KCNN2: variants seen among roughly 807,000 people sequenced by gnomAD.
KCNN2 encodes small conductance calcium-activated potassium channel protein 2.
In KCNN2, 24 loss-of-function variants were observed where a neutral mutation model predicts 55.5. That is an observed-to-expected ratio of 0.43 (90% CI 0.31 to 0.61). KCNN2 has a LOEUF of 0.61. Ranked by LOEUF, KCNN2 falls within the 20% of genes least tolerant of loss-of-function variation. The pLI, the probability that KCNN2 is intolerant of heterozygous loss-of-function variation, is 0.08. For missense variants in KCNN2, 754 were observed against 853.6 expected, an observed-to-expected ratio of 0.88 and a Z score of 1.45; for synonymous variants, 431 against 336.1, an observed-to-expected ratio of 1.28 and a Z score of -3.09.
chr5:114,160,516 AG>A (rs1752748170), intron 1 of KCNN2, among the ~76,000 whole-genome samples: 2 of 152,100 alleles, frequency 1.3e-5, no homozygotes, highest in Admixed American at 6.6e-5. Context: ...GATGTCTATT[AG>A]GTCCACTTGG....
At chr5:114,241,063 A>C (rs1163481631) in intron 2 of KCNN2, among the ~76,000 whole-genome samples, 1 of 152,038 alleles carries the variant, frequency 6.6e-6, no homozygotes, top group South Asian at 2.1e-4. Context: ...ATATGTGTCT[A>C]TATGTATCCT....
At chr5:114,210,261 C>A (rs938702813) in intron 1 of KCNN2, among the ~76,000 whole-genome samples, 2 of 152,074 alleles carry the variant, frequency 1.3e-5, no homozygotes, top group African/African-American at 4.8e-5. Context: ...GTGCTATTTT[C>A]TTGAGTTTAA....
chr5:114,185,113 A>G (rs990277701), intron 1 of KCNN2, among the ~76,000 whole-genome samples: 12 of 152,172 alleles, frequency 7.9e-5, no homozygotes, highest in African/African-American at 2.9e-4. Context: ...GAAAGTTGCA[A>G]TGTCCTCTAG....
chr5:114,438,597 G>GCAACAA (rs552957488), intron 3 of KCNN2, among the ~76,000 whole-genome samples: 1 of 151,992 alleles, frequency 6.6e-6, no homozygotes, highest in Admixed American at 6.6e-5. Flanking sequence ...GCCAACAACA[G>GCAACAA]CAACAACAAC....
At chr5:114,273,893 T>C (rs1755425579) in intron 2 of KCNN2, among the ~76,000 whole-genome samples, 1 of 152,234 alleles carries the variant, frequency 6.6e-6, no homozygotes, top group South Asian at 2.1e-4. Context: ...TTGCCATTGC[T>C]TTTGGTGTTT....
Position 114,244,224 on chromosome 5 carries a change from T to C in KCNN2, c.-185+22659T>C, listed in dbSNP as rs142603962. 8.2e-4 allele frequency among the ~76,000 whole-genome samples: 125 copies of C among 152,232 alleles called. 1 individual carries two copies. The highest frequency in any genetic ancestry group is 2.8e-3 in the African/African-American group (117 of 41,534). On this transcript the variant is annotated intron_variant, in intron 2 of 10. Coordinates refer to the KCNN2 transcript ENST00000512097. ...AGTTAGTGTAAATGTGGCTTTCCTGTTGGAGCACGCAGTAAACAGACTCCT... is the reference window on the plus strand; with the variant it reads ...AGTTAGTGTAAATGTGGCTTTCCTGCTGGAGCACGCAGTAAACAGACTCCT...
intron 1 of KCNN2, among the ~76,000 whole-genome samples, chr5:114,215,569 C>T (rs550652609): frequency 6.6e-6 from 1 of 152,038 alleles, no homozygotes; most frequent in East Asian, 1.9e-4. Flanking sequence ...AGGGTAGAAC[C>T]CAAGACATAA....
intron 1 of KCNN2, among the ~76,000 whole-genome samples, chr5:114,104,046 G>C (rs896894894): frequency 1.3e-5 from 2 of 151,988 alleles, no homozygotes; most frequent in African/African-American, 4.8e-5. Context: ...CTGTGAATCC[G>C]TTTGGTCCTA....
At chr5:114,408,983 C>A (rs1001771500) in intron 3 of KCNN2, among the ~76,000 whole-genome samples, 1 of 152,096 alleles carries the variant, frequency 6.6e-6, no homozygotes, top group African/African-American at 2.4e-5. Flanking sequence ...GAGTGTGTAG[C>A]CAGCAGGTAC....
intron 2 of KCNN2, among the ~76,000 whole-genome samples, chr5:114,294,238 T>G (rs1452487668): frequency 2.0e-5 from 3 of 152,170 alleles, no homozygotes; most frequent in African/African-American, 7.2e-5. Context: ...CTGCTAGTTT[T>G]TGAATGTGTT....
At chr5:114,331,696 T>G (rs1756824289) in intron 2 of KCNN2, among the ~76,000 whole-genome samples, 1 of 152,276 alleles carries the variant, frequency 6.6e-6, no homozygotes, top group Non-Finnish European at 1.5e-5. Context: ...TGACCAAGTA[T>G]GTTCTCTATA....
At chr5:114,168,819 C>T (rs1462771952) in intron 1 of KCNN2, among the ~76,000 whole-genome samples, 1 of 152,074 alleles carries the variant, frequency 6.6e-6, no homozygotes, top group Non-Finnish European at 1.5e-5. Context: ...CCTCCATTAT[C>T]TCTCCTCATT....
intron 2 of KCNN2, among the ~76,000 whole-genome samples, chr5:114,264,229 A>G (rs1218264582): frequency 1.3e-5 from 2 of 152,094 alleles, no homozygotes; most frequent in Non-Finnish European, 2.9e-5. Context: ...TTCTTCATAC[A>G]TGAGATGTGA....
At position 114,310,928 on chromosome 5, in the gene KCNN2, C is replaced by T. The variant is rs368312348; in HGVS notation, c.-184-50017C>T. Among the ~76,000 whole-genome samples the T allele has an allele frequency of 3.0e-4, 45 of 152,210 alleles. No individual in the cohort carries two copies. The South Asian group carries it at 4.4e-3, about 15-fold the overall frequency. ...ATGAGGTACAGCACTATCTAAGGTA[C>T]AATATATCATGATGATTTGAGTTTA... On this transcript the variant is annotated intron_variant, in intron 2 of 10. Coordinates refer to the KCNN2 transcript ENST00000512097.
At position 114,493,421 on chromosome 5, in the gene KCNN2, G is replaced by A; in HGVS notation, c.2037G>A (p.Met679Ile). The A allele has an allele frequency of 6.2e-7, 1 of 1,604,684 alleles. No homozygotes were observed. Reference sequence around the variant, plus strand: ...CTTTTAGATTAAGAAGTGTAAAAATGGAGCAGAGGAAACTGAATGACCAAG... The same window carrying A: ...CTTTTAGATTAAGAAGTGTAAAAATAGAGCAGAGGAAACTGAATGACCAAG... Reference protein sequence around the residue: ...QAIHQLRSVKMEQRKLNDQAN... With the variant: ...QAIHQLRSVKIEQRKLNDQAN... The change falls in exon 7 of 8, where the codon ATG becomes ATA. Residue 679 changes from methionine (M) to isoleucine (I), a missense_variant. By Grantham distance (10) the Met-to-Ile change is conservative. Transcript: ENST00000673685.
intron 2 of KCNN2, among the ~76,000 whole-genome samples, chr5:114,385,519 G>GCGCGCACACACA (rs1458678711): frequency 4.6e-4 from 66 of 143,452 alleles, no homozygotes; most frequent in African/African-American, 1.7e-3. Context: ...ACACATGCGC[G>GCGCGCACACACA]CACACACACA....
chr5:114,486,802 G>C lies in KCNN2; in HGVS notation c.1891-248G>C, dbSNP rs191837276. 186 of 1,343,474 alleles carry C rather than the reference G, an allele frequency of 1.4e-4. 3 individuals carry two copies. In the South Asian group the frequency reaches 2.4e-3, roughly 17 times the overall value. The allele number at this position is 1,343,474 out of a possible 1,614,324, so 83.2% of individuals were successfully genotyped here. A position where few individuals can be genotyped will look rare whatever the true frequency, so the allele number is the denominator to read the frequency against. On this transcript the variant is annotated intron_variant, in intron 5 of 7. Transcript: ENST00000673685. ...TGAATAAAAAAGAAGTTTCCTGAAG[G>C]AGTAAGATAGAATTTACCACAGAAA...
chr5:114,289,940 T>G (rs1755846934), intron 2 of KCNN2, among the ~76,000 whole-genome samples: 1 of 152,206 alleles, frequency 6.6e-6, no homozygotes, highest in African/African-American at 2.4e-5. Flanking sequence ...AATAGAATTA[T>G]TTTTCAGACT....
chr5:114,297,766 A>G (rs1756059443), intron 2 of KCNN2, among the ~76,000 whole-genome samples: 2 of 152,220 alleles, frequency 1.3e-5, no homozygotes, highest in Non-Finnish European at 1.5e-5. Flanking sequence ...CATTAAAATA[A>G]TATGTTATCA....
Sources: gnomAD v4.1 joint callset for allele counts (sites outside exome capture counted in the v4.1 genomes callset) on GRCh38, gnomAD v4.1.1 for gene constraint, MANE v1.5 for transcripts, NCBI Gene and HGNC (gene_info 2026-07-23, HGNC 2026-07-21) for gene names.